Variants in ATRNL1 observed in about 807,000 individuals in gnomAD.
The protein encoded by ATRNL1 is attractin like 1.
In ATRNL1, 95 loss-of-function variants were observed where a neutral mutation model predicts 182.7. That is an observed-to-expected ratio of 0.52 (90% CI 0.44 to 0.62). ATRNL1 has a LOEUF of 0.62. Among genes scored for constraint, ATRNL1 ranks in the 20% least tolerant of loss-of-function variants. The pLI is 0.00. For synonymous variants in ATRNL1, 576 were observed against 568.3 expected (o/e 1.01, Z -0.19); for missense variants, 1,471 against 1,679.5 (o/e 0.88, Z 2.17).
chr10:115,281,533 A>G, intron 14 of ATRNL1, 46 bp downstream of exon 14: 2 of 1,566,874 alleles, frequency 1.3e-6, no homozygotes, highest in Non-Finnish European at 1.7e-6. Context: ...TCTACAGATA[A>G]ATACTGACAT....
chr10:115,716,146 A>G (rs1172492517), intron 26 of ATRNL1, among the ~76,000 whole-genome samples: 1 of 152,176 alleles, frequency 6.6e-6, no homozygotes, highest in Non-Finnish European at 1.5e-5. Context: ...TTGCCTATTC[A>G]TTTATCACAC....
chr10:115,593,315 G>A (rs782649072), intron 26 of ATRNL1, among the ~76,000 whole-genome samples: 11 of 152,246 alleles, frequency 7.2e-5, no homozygotes, highest in Non-Finnish European at 1.5e-4. Flanking sequence ...GAGCAAAGCC[G>A]AGGTATCTCA....
intron 26 of ATRNL1, among the ~76,000 whole-genome samples, chr10:115,631,376 G>A (rs1010612043): frequency 3.3e-5 from 5 of 151,922 alleles, no homozygotes; most frequent in Non-Finnish European, 7.4e-5. Context: ...TAAATAAATA[G>A]AGAGCACAAA....
At chr10:115,691,494 G>T (rs1946392895) in intron 26 of ATRNL1, among the ~76,000 whole-genome samples, 1 of 152,176 alleles carries the variant, frequency 6.6e-6, no homozygotes, top group Admixed American at 6.5e-5. Flanking sequence ...GGCCAAGGCA[G>T]GTGGATCACC....
intron 27 of ATRNL1, among the ~76,000 whole-genome samples, chr10:115,812,936 CAA>C (rs111890554): frequency 0.062 from 9,482 of 151,970 alleles, 915 homozygotes; most frequent in African/African-American, 0.21. Flanking sequence ...GAATTAATAT[CAA>C]TATTAATTAT....
chr10:115,293,971 C>G (rs1853051840), intron 15 of ATRNL1, among the ~76,000 whole-genome samples: 1 of 152,154 alleles, frequency 6.6e-6, no homozygotes, highest in Non-Finnish European at 1.5e-5. Context: ...TTGGTGTTCT[C>G]TAAGCTTCTT....
intron 26 of ATRNL1, among the ~76,000 whole-genome samples, chr10:115,556,875 T>C (rs1157970753): frequency 6.6e-6 from 1 of 151,186 alleles, no homozygotes. Context: ...AATGTGTGTG[T>C]GCGTGTGTGT....
At chr10:115,423,196 G>A (rs1554962246) in intron 20 of ATRNL1, among the ~76,000 whole-genome samples, 1 of 152,020 alleles carries the variant, frequency 6.6e-6, no homozygotes, top group Non-Finnish European at 1.5e-5. Context: ...AAATATCTAT[G>A]TACCCCATAA....
At chr10:115,755,838 A>C (rs535699663) in intron 27 of ATRNL1, among the ~76,000 whole-genome samples, 2 of 152,244 alleles carry the variant, frequency 1.3e-5, no homozygotes, top group South Asian at 4.1e-4. Context: ...TTACTGCCTC[A>C]GTTTTAGAAC....
Position 115,172,591 on chromosome 10 carries a change from A to G in ATRNL1, c.1348+1299A>G, listed in dbSNP as rs181567578. On this transcript the variant is annotated intron_variant, in intron 8 of 28. Transcript: ENST00000355044. ...GTTATTCCAGTACAATGAGTCCATA[A>G]TTTCCATATGAAATATCTTACTTTT... Among the ~76,000 whole-genome samples, 371 of 151,870 alleles carry G rather than the reference A, an allele frequency of 2.4e-3. 1 individual carries two copies. The highest frequency in any genetic ancestry group is 4.1e-3 in the Non-Finnish European group (280 of 67,834).
At chr10:115,838,560 C>T (rs1427566433) in intron 27 of ATRNL1, among the ~76,000 whole-genome samples, 2 of 152,118 alleles carry the variant, frequency 1.3e-5, no homozygotes, top group Admixed American at 1.3e-4. Flanking sequence ...AACAAGCAAG[C>T]TGGCATTGGT....
intron 24 of ATRNL1, among the ~76,000 whole-genome samples, chr10:115,474,613 G>C (rs1317206702): frequency 2.0e-5 from 3 of 151,204 alleles, no homozygotes; most frequent in Admixed American, 1.3e-4. Context: ...AGTATCACCA[G>C]GGATCTTGGT....
chr10:115,448,435 A>G (rs536804166), intron 21 of ATRNL1, among the ~76,000 whole-genome samples: 60 of 152,324 alleles, frequency 3.9e-4, no homozygotes, highest in African/African-American at 1.4e-3. Context: ...TGGATAAATA[A>G]TGAAATTAAG....
chr10:115,126,293 C>G (rs1420691679), intron 3 of ATRNL1, among the ~76,000 whole-genome samples: 1 of 152,130 alleles, frequency 6.6e-6, no homozygotes, highest in Non-Finnish European at 1.5e-5. Flanking sequence ...CTCTTGACCT[C>G]GTTATCCGCC....
chr10:115,147,040 G>T (rs2143864064), intron 5 of ATRNL1, among the ~76,000 whole-genome samples: 1 of 152,046 alleles, frequency 6.6e-6, no homozygotes, highest in African/African-American at 2.4e-5. Flanking sequence ...GTTTTTTGAG[G>T]AGTTTCCATA....
chr10:115,637,603 C>CTAATTAT (rs374566578), intron 26 of ATRNL1, among the ~76,000 whole-genome samples: 1 of 141,828 alleles, frequency 7.1e-6, no homozygotes, highest in Non-Finnish European at 1.5e-5. Flanking sequence ...CAATTTATTA[C>CTAATTAT]TATTATTATT....
chr10:115,928,360 T>A (rs1555120777), intron 28 of ATRNL1, among the ~76,000 whole-genome samples: 2 of 152,212 alleles, frequency 1.3e-5, no homozygotes, highest in African/African-American at 4.8e-5. Context: ...CTAACTGATT[T>A]AATGTTAATG....
chr10:115,349,651 A>G (rs1367152416), intron 19 of ATRNL1, among the ~76,000 whole-genome samples: 1 of 152,120 alleles, frequency 6.6e-6, no homozygotes, highest in African/African-American at 2.4e-5. Flanking sequence ...TGTCTTTTGG[A>G]TAAAAGCCAT....
intron 27 of ATRNL1, chr10:115,820,093 T>C (rs1950257311): frequency 6.6e-6 from 1 of 152,116 alleles, no homozygotes; most frequent in Non-Finnish European, 1.5e-5. Flanking sequence ...CTTTTTATCA[T>C]TTATGTACAT....
Sources: gnomAD v4.1 joint callset for allele counts (sites outside exome capture counted in the v4.1 genomes callset) on GRCh38, gnomAD v4.1.1 for gene constraint, MANE v1.5 for transcripts, NCBI Gene and HGNC (gene_info 2026-07-23, HGNC 2026-07-21) for gene names.